IGSF10: variants seen among roughly 807,000 people sequenced by gnomAD.
IGSF10 encodes the protein immunoglobulin superfamily member 10, also known as calvaria mechanical force protein 608.
Under a neutral mutation model 128.2 loss-of-function variants are expected in IGSF10, and 126 were observed. The observed-to-expected ratio is 0.98, with a 90% confidence interval of 0.85 to 1.14. IGSF10 has a LOEUF of 1.14. Ranked by LOEUF, IGSF10 falls within the 50% of genes most tolerant of loss-of-function variation. The pLI is 0.00. For missense variants in IGSF10, 3,295 were observed against 3,149.8 expected, an observed-to-expected ratio of 1.05 and a Z score of -1.10; for synonymous variants, 1,185 against 1,146.2, an observed-to-expected ratio of 1.03 and a Z score of -0.68.
Position 151,448,050 on chromosome 3 carries a change from CGAT to C in IGSF10, c.1928_1930del (p.Tyr643_Arg644delinsCys), listed in dbSNP as rs1288091908. On this transcript the variant is annotated inframe_deletion, in exon 6 of 8. Coordinates refer to ENST00000282466, the MANE Select transcript of IGSF10 (RefSeq NM_178822.5). ...CCCTGATGGGTTGGCTGCCACACAG[CGAT>C]AATAACCTTGGTCTTTCGGGGTGAC... is the stretch of plus-strand genomic sequence containing the variant. 2 of 1,613,990 alleles carry C rather than the reference CGAT, an allele frequency of 1.2e-6. No individual in the cohort carries two copies. Among genetic ancestry groups the C allele is most frequent in the African/African-American group, 2.7e-5 (2 of 74,888 alleles).
the IGSF10 span, among the ~76,000 whole-genome samples, chr3:151,586,347 T>C: frequency 6.6e-6 from 1 of 152,244 alleles, no homozygotes; most frequent in East Asian, 1.9e-4. Flanking sequence ...AGAATATTTC[T>C]TTCTTTCCTT....
the IGSF10 span, among the ~76,000 whole-genome samples, chr3:151,600,359 G>A: frequency 6.6e-6 from 1 of 152,016 alleles, no homozygotes; most frequent in African/African-American, 2.4e-5. Flanking sequence ...TCTCTCCAGA[G>A]GCAAATTATT....
At chr3:151,575,813 A>T in the IGSF10 span, among the ~76,000 whole-genome samples, 1 of 152,114 alleles carries the variant, frequency 6.6e-6, no homozygotes, top group Non-Finnish European at 1.5e-5. Context: ...CGTTGATCAC[A>T]CTGGGAGCTG....
chr3:151,494,428 A>G, the IGSF10 span, among the ~76,000 whole-genome samples: 1 of 152,100 alleles, frequency 6.6e-6, no homozygotes, highest in Non-Finnish European at 1.5e-5. Flanking sequence ...TGTTAACTGC[A>G]TTAAAAAATA....
chr3:151,573,808 A>G, the IGSF10 span, among the ~76,000 whole-genome samples: 1 of 152,188 alleles, frequency 6.6e-6, no homozygotes, highest in Non-Finnish European at 1.5e-5. Flanking sequence ...TAGTTGATGC[A>G]GTTTCTTTCT....
At chr3:151,528,407 G>T in the IGSF10 span, among the ~76,000 whole-genome samples, 2 of 152,188 alleles carry the variant, frequency 1.3e-5, no homozygotes, top group African/African-American at 4.8e-5. Flanking sequence ...TGGGGGACTT[G>T]CTGGCATGAT....
At chr3:151,508,681 T>C in the IGSF10 span, among the ~76,000 whole-genome samples, 1 of 152,322 alleles carries the variant, frequency 6.6e-6, no homozygotes, top group East Asian at 1.9e-4. Context: ...ATTTCAGCTT[T>C]GAAATTAAGT....
chr3:151,469,664 A>G, the IGSF10 span, among the ~76,000 whole-genome samples: 1 of 152,204 alleles, frequency 6.6e-6, no homozygotes, highest in African/African-American at 2.4e-5. Context: ...AGGAAGAATT[A>G]AAAGTGTGCA....
At chr3:151,459,681 A>C (rs956685971) in intron 2 of IGSF10, among the ~76,000 whole-genome samples, 1 of 152,174 alleles carries the variant, frequency 6.6e-6, no homozygotes, top group Non-Finnish European at 1.5e-5. Flanking sequence ...AAAAAAAAAA[A>C]TGGTATCTGT....
At chr3:151,547,907 G>A in the IGSF10 span, among the ~76,000 whole-genome samples, 17 of 152,280 alleles carry the variant, frequency 1.1e-4, no homozygotes, top group African/African-American at 3.8e-4. Flanking sequence ...CAGTTTTACT[G>A]TTTGAGCAAC....
At chr3:151,544,255 C>A in the IGSF10 span, among the ~76,000 whole-genome samples, 1 of 152,170 alleles carries the variant, frequency 6.6e-6, no homozygotes, top group Non-Finnish European at 1.5e-5. Flanking sequence ...CACATCAGGA[C>A]TGGGTTTGCC....
At chr3:151,598,952 A>T in the IGSF10 span, among the ~76,000 whole-genome samples, 1 of 152,170 alleles carries the variant, frequency 6.6e-6, no homozygotes, top group Non-Finnish European at 1.5e-5. Flanking sequence ...GAGGAACTAG[A>T]TACAAGAAAG....
Position 151,444,921 on chromosome 3 carries a change from G to C in IGSF10, c.5060C>G (p.Ser1687Ter). The C allele has an allele frequency of 2.5e-6, 4 of 1,592,290 alleles. No individual in the cohort carries two copies. Among genetic ancestry groups the C allele is most frequent in the Non-Finnish European group, 3.4e-6 (4 of 1,172,392 alleles). Reference protein sequence around the residue: ...LPTIHWTRVPSGLDLSKRKQN... With the variant: ...LPTIHWTRVP ...TGTAAAGAAAAAGTTTCACATACCT[G>C]ATGGGACTCTGGTCCAATGAATGGT... Residue 1687 changes from serine (S) to a stop codon, truncating the protein, a stop_gained and splice_region_variant, in exon 6 of 8, where the codon TCA becomes TGA. Transcript: ENST00000282466. LOFTEE classifies it high-confidence loss of function.
chr3:151,432,626 G>T, downstream of IGSF10: 1 of 693,624 alleles, frequency 1.4e-6, no homozygotes, highest in Non-Finnish European at 2.5e-6. Context: ...GGCAAGGATA[G>T]TACTCTCCGG....
the IGSF10 span, among the ~76,000 whole-genome samples, chr3:151,512,032 A>G: frequency 1.3e-5 from 2 of 152,162 alleles, no homozygotes; most frequent in Non-Finnish European, 2.9e-5. Context: ...TTAACACCCC[A>G]CTGTCAACAT....
At chr3:151,432,634 C>T (rs3732771), downstream of IGSF10, 85,443 of 732,742 alleles carry the variant, frequency 0.12, 7,230 homozygotes, top group East Asian at 0.39. Flanking sequence ...TAGTACTCTC[C>T]GGCCATTCTG....
Position 151,445,539 on chromosome 3 carries a change from A to C in IGSF10, c.4442T>G (p.Phe1481Cys). Residue 1481 changes from phenylalanine (F) to cysteine (C), a missense_variant, in exon 6 of 8, where the codon TTT (phenylalanine) becomes TGT (cysteine). Transcript: ENST00000282466. ...GTTGTCAGTAACTGCTCTCTGAGTA[A>C]AGGGAGGGGAGATGGGAACTGGCAT... ...TLMPVPISPP[F>C]TQRAVTDNVA... The C allele has an allele frequency of 6.2e-7, 1 of 1,614,148 alleles. No homozygotes were observed. The highest frequency in any genetic ancestry group is 8.5e-7 in the Non-Finnish European group (1 of 1,180,028).
At chr3:151,616,703 A>ATTT in the IGSF10 span, among the ~76,000 whole-genome samples, 2 of 152,354 alleles carry the variant, frequency 1.3e-5, no homozygotes, top group South Asian at 4.1e-4. Flanking sequence ...AAGTTAACTG[A>ATTT]TTGATTAATA....
chr3:151,589,966 T>A, the IGSF10 span, among the ~76,000 whole-genome samples: 1 of 152,174 alleles, frequency 6.6e-6, no homozygotes, highest in African/African-American at 2.4e-5. Context: ...ACTTTTTTTT[T>A]AAGAATAAAA....
Sources: allele counts gnomAD v4.1 joint callset (sites outside exome capture counted in the v4.1 genomes callset), GRCh38; gene constraint gnomAD v4.1.1; transcripts MANE v1.5; gene names NCBI Gene and HGNC (gene_info 2026-07-23, HGNC 2026-07-21).